Variants in AFF4 observed in about 807,000 individuals in gnomAD.
AFF4 encodes the protein ALF transcription elongation factor 4.
A neutral mutation model predicts 124.8 loss-of-function variants in AFF4; 13 were observed. The observed-to-expected ratio is 0.10, with a 90% CI of 0.07 to 0.17. AFF4 has a LOEUF of 0.17. Ranked by LOEUF, AFF4 falls within the 10% of genes least tolerant of loss-of-function variation. The pLI is 1.00. For synonymous variants in AFF4, 477 were observed against 496.1 expected (o/e 0.96, Z 0.51); for missense variants, 1,092 against 1,403.8 (o/e 0.78, Z 3.55).
chr5:132,949,684 C>CCACACA (rs565722171), intron 1 of AFF4, among the ~76,000 whole-genome samples: 1,857 of 147,852 alleles, frequency 0.013, 34 homozygotes, highest in African/African-American at 0.03. Context: ...CCCATGTGTA[C>CCACACA]CACACACACA....
intron 20 of AFF4, among the ~76,000 whole-genome samples, chr5:132,882,416 T>C (rs570356374): frequency 2.0e-5 from 3 of 152,280 alleles, no homozygotes; most frequent in South Asian, 2.1e-4. Flanking sequence ...ATGCACATAT[T>C]TGCTAATAAC....
In AFF4 at chr5:132,896,343, T is replaced by G. The variant is rs199587215; in HGVS notation, c.2287A>C (p.Lys763Gln). ...QKQASEKVSN[K>Q]GKRKHKNEDD... Reference sequence around the variant, plus strand: ...CAAACCTTATGCTTCCTCTTGCCTTTGTTGGAAACTTTTTCTGAGGCTTGT... The same window carrying G: ...CAAACCTTATGCTTCCTCTTGCCTTGGTTGGAAACTTTTTCTGAGGCTTGT... Residue 763 changes from lysine to glutamine, a missense_variant, in exon 11 of 21, where the codon AAA becomes CAA. By Grantham distance (53) the Lys-to-Gln change is moderately conservative (BLOSUM62 1). Transcript: ENST00000265343. The G allele has an allele frequency of 5.3e-5, 84 of 1,595,018 alleles. No homozygotes were observed. The highest frequency in any genetic ancestry group is 6.7e-5 in the Non-Finnish European group (79 of 1,175,126).
intron 5 of AFF4, among the ~76,000 whole-genome samples, chr5:132,912,466 T>C (rs1322995903): frequency 6.6e-6 from 1 of 152,008 alleles, no homozygotes; most frequent in Non-Finnish European, 1.5e-5. Flanking sequence ...GCTCAAGCTA[T>C]TTTCCCACCT....
intron 6 of AFF4, among the ~76,000 whole-genome samples, chr5:132,902,985 T>C (rs973305236): frequency 4.6e-5 from 7 of 152,204 alleles, no homozygotes; most frequent in African/African-American, 1.7e-4. Context: ...TTTATGCTGA[T>C]ATAGAAATAG....
At chr5:132,883,588 CATATGG>C (rs1450751075) in intron 19 of AFF4, 28 bp from the exon 20 acceptor site, 1 of 1,596,484 alleles carries the variant, frequency 6.3e-7, no homozygotes, top group East Asian at 2.2e-5. Context: ...GAAGCTTGTT[CATATGG>C]ACATGGTAAG....
chr5:132,914,145 T>C (rs1581297929), intron 5 of AFF4, among the ~76,000 whole-genome samples: 2 of 151,932 alleles, frequency 1.3e-5, no homozygotes, highest in South Asian at 2.1e-4. Context: ...GGAGAATCCT[T>C]TGAACCGGTG....
intron 5 of AFF4, among the ~76,000 whole-genome samples, chr5:132,916,685 C>T (rs2150085793): frequency 6.6e-6 from 1 of 152,244 alleles, no homozygotes; most frequent in Non-Finnish European, 1.5e-5. Flanking sequence ...TTCTCTGCAG[C>T]AACCCAGTGT....
chr5:132,920,010 C>A (rs1761006376), intron 5 of AFF4, among the ~76,000 whole-genome samples: 1 of 151,464 alleles, frequency 6.6e-6, no homozygotes, highest in South Asian at 2.1e-4. Flanking sequence ...GTCTAGGAAA[C>A]AACATAGGAG....
chr5:132,961,946 T>C (rs1198318367), intron 1 of AFF4, among the ~76,000 whole-genome samples: 1 of 152,166 alleles, frequency 6.6e-6, no homozygotes, highest in African/African-American at 2.4e-5. Context: ...GAATTTTTCT[T>C]ATATTTAGGA....
At position 132,899,590 on chromosome 5, in the gene AFF4, T is replaced by C. The variant is rs771023683; in HGVS notation, c.1185A>G (p.Glu395=). The change falls in exon 8 of 21, where the codon GAA becomes GAG. Residue 395 remains glutamate, a synonymous_variant. Coordinates refer to ENST00000265343, the MANE Select transcript of AFF4 (RefSeq NM_014423.4). The part of the protein sequence containing the change: ...KLSSSEDSDG[E]QDCDKTMPRS... ...AATAATACAATAGTAGACACACCTGTTCCCCATCACTGTCTTCACTGCTGC... is the reference window on the plus strand; with the variant it reads ...AATAATACAATAGTAGACACACCTGCTCCCCATCACTGTCTTCACTGCTGC... The C allele has an allele frequency of 2.4e-5, 39 of 1,611,748 alleles. No individual in the cohort carries two copies. Among genetic ancestry groups the C allele is most frequent in the Non-Finnish European group, 3.1e-5 (37 of 1,178,662 alleles).
In AFF4 at chr5:132,907,317, T is replaced by C. The variant is rs1006353882; in HGVS notation, c.1051-2913A>G. On this transcript the variant is annotated intron_variant, in intron 5 of 20. Transcript: ENST00000265343. The stretch of plus-strand genomic sequence containing the variant: ...GTATGCGTCATCACTGCTCTCCTAT[T>C]TTTCATAGAACTTCCCAATGACTCT... Among the ~76,000 whole-genome samples, 5 of 152,122 alleles carry C rather than the reference T, an allele frequency of 3.3e-5. No individual in the cohort carries two copies. The South Asian group carries it at 1.0e-3, about 31-fold the overall frequency.
Position 132,879,759 on chromosome 5 carries a change from C to T in AFF4, c.*1300G>A, listed in dbSNP as rs1759927004. On this transcript the variant is annotated 3_prime_UTR_variant, in exon 21 of 21. Transcript: ENST00000265343. Reference sequence around the variant, plus strand: ...TGATATACAACTCTTACAGAGCCAGCTTCTTTAAGCTCTACCCCTGGCTCC... The same window carrying T: ...TGATATACAACTCTTACAGAGCCAGTTTCTTTAAGCTCTACCCCTGGCTCC... 3 of 221,138 alleles carry T rather than the reference C, an allele frequency of 1.4e-5. No individual in the cohort carries two copies. Among genetic ancestry groups the T allele is most frequent in the East Asian group, 1.3e-4 (2 of 15,006 alleles). 13.7% of individuals were successfully genotyped at this position (221,138 alleles called of 1,614,324 possible).
chr5:132,947,763 A>T (rs1761734550), intron 1 of AFF4, among the ~76,000 whole-genome samples: 1 of 152,168 alleles, frequency 6.6e-6, no homozygotes, highest in African/African-American at 2.4e-5. Context: ...GACAGTCTGA[A>T]GAGGTCACTT....
intron 13 of AFF4, among the ~76,000 whole-genome samples, chr5:132,891,665 G>C (rs886580708): frequency 3.3e-5 from 5 of 152,112 alleles, no homozygotes; most frequent in African/African-American, 9.7e-5. Flanking sequence ...AATATAACTT[G>C]TTTGTAAAGT....
chr5:132,916,379 A>G (rs964937540), intron 5 of AFF4, among the ~76,000 whole-genome samples: 3 of 151,950 alleles, frequency 2.0e-5, no homozygotes, highest in East Asian at 3.8e-4. Flanking sequence ...CGTGGGCAAC[A>G]TCATGAGACC....
chr5:132,936,572 T>C (rs1291122029), intron 2 of AFF4, among the ~76,000 whole-genome samples: 2 of 152,200 alleles, frequency 1.3e-5, no homozygotes, highest in East Asian at 1.9e-4. Flanking sequence ...TCATTTTTTA[T>C]TGATATCACA....
At chr5:132,917,705 CTTTTTTTTTTTTTTT>C (rs58145774) in intron 5 of AFF4, among the ~76,000 whole-genome samples, 1 of 74,050 alleles carries the variant, frequency 1.4e-5, no homozygotes, top group African/African-American at 5.3e-5. Context: ...CTTTTCTTTT[CTTTTTTTTTTTTTTT>C]TTTTTTTTTT....
At chr5:132,962,686 G>A (rs180765506) in intron 1 of AFF4, among the ~76,000 whole-genome samples, 2 of 152,060 alleles carry the variant, frequency 1.3e-5, no homozygotes, top group African/African-American at 2.4e-5. Context: ...CAAGCTACTG[G>A]GATAACTAGG....
chr5:132,909,085 T>C (rs899836537), intron 5 of AFF4, among the ~76,000 whole-genome samples: 43 of 151,648 alleles, frequency 2.8e-4, no homozygotes, highest in African/African-American at 1.0e-3. Context: ...GCATATCTTT[T>C]AGGGAAGCGG....
Sources: gnomAD v4.1 joint callset for allele counts (sites outside exome capture counted in the v4.1 genomes callset) on GRCh38, gnomAD v4.1.1 for gene constraint, MANE v1.5 for transcripts, NCBI Gene and HGNC (gene_info 2026-07-23, HGNC 2026-07-21) for gene names.